Variants in KMO observed in about 807,000 individuals in gnomAD.
KMO encodes kynurenine 3-monooxygenase, also known as kynurenine 3-hydroxylase.
KMO carries 24 observed loss-of-function variants against 57.8 expected under a neutral mutation model. The ratio of observed to expected loss-of-function variants is 0.42; its 90% CI spans 0.30 to 0.58. KMO has a LOEUF of 0.58. Among genes scored for constraint, KMO ranks in the 20% least tolerant of loss-of-function variants. The probability of loss-of-function intolerance (pLI) is 0.22; values close to 1 mark genes in which losing one functional copy is unlikely to be tolerated. For missense variants in KMO, 483 were observed against 588.2 expected, an observed-to-expected ratio of 0.82 and a Z score of 1.85; for synonymous variants, 210 against 193.6, an observed-to-expected ratio of 1.08 and a Z score of -0.70.
intron 5 of KMO, among the ~76,000 whole-genome samples, chr1:241,559,264 A>T (rs1386408733): frequency 6.6e-6 from 1 of 152,182 alleles, no homozygotes; most frequent in Admixed American, 6.5e-5. Context: ...GCCACACTCC[A>T]AGTACTCAAA....
At chr1:241,555,815 T>A (rs897134686) in intron 5 of KMO, 155 bp downstream of exon 5, 1 of 492,004 alleles carries the variant, frequency 2.0e-6, no homozygotes, top group African/African-American at 2.0e-5. Context: ...AAGCTAGGTC[T>A]GATAGCTCAT....
At chr1:241,537,507 G>A (rs887280970) in intron 1 of KMO, among the ~76,000 whole-genome samples, 3 of 152,066 alleles carry the variant, frequency 2.0e-5, no homozygotes, top group African/African-American at 7.2e-5. Flanking sequence ...AGCTCTATTT[G>A]CTCTACTCTT....
At chr1:241,582,376 T>C (rs1662785957) in intron 10 of KMO, among the ~76,000 whole-genome samples, 2 of 152,224 alleles carry the variant, frequency 1.3e-5, no homozygotes, top group South Asian at 4.1e-4. Context: ...TCTCTCTCTA[T>C]ATATGTTCTC....
chr1:241,561,809 G>A (rs1661852949), intron 6 of KMO, among the ~76,000 whole-genome samples: 1 of 152,100 alleles, frequency 6.6e-6, no homozygotes, highest in Non-Finnish European at 1.5e-5. Flanking sequence ...CAAGACAAAT[G>A]TATTGTTCTT....
At chr1:241,541,002 A>C (rs993422934) in intron 1 of KMO, among the ~76,000 whole-genome samples, 7 of 152,212 alleles carry the variant, frequency 4.6e-5, no homozygotes, top group Non-Finnish European at 1.0e-4. Context: ...TCAAGGTTGC[A>C]GTGAACTATG....
chr1:241,580,100 C>T (rs1277166562), intron 10 of KMO, among the ~76,000 whole-genome samples: 1 of 152,112 alleles, frequency 6.6e-6, no homozygotes, highest in Non-Finnish European at 1.5e-5. Flanking sequence ...AGGCTCTCAC[C>T]CTCTCACACT....
intron 5 of KMO, among the ~76,000 whole-genome samples, chr1:241,557,342 T>C (rs1216685097): frequency 6.6e-6 from 1 of 152,202 alleles, no homozygotes; most frequent in African/African-American, 2.4e-5. Context: ...GCATGCCACT[T>C]AATATTTCTA....
At chr1:241,560,019 A>T (rs577303350) in intron 5 of KMO, among the ~76,000 whole-genome samples, 15 of 152,246 alleles carry the variant, frequency 9.9e-5, no homozygotes, top group Non-Finnish European at 7.3e-5. Flanking sequence ...ACAAAATCAC[A>T]TTTTACTGTT....
chr1:241,533,906 G>A (rs1242666866), intron 1 of KMO, among the ~76,000 whole-genome samples: 1 of 152,186 alleles, frequency 6.6e-6, no homozygotes, highest in Non-Finnish European at 1.5e-5. Flanking sequence ...TGAAGATCTT[G>A]AGAAAGAGCA....
In KMO at chr1:241,592,332, A is replaced by C. The variant is rs1490740331; in HGVS notation, c.*179A>C. On this transcript the variant is annotated 3_prime_UTR_variant, in exon 15 of 15. Transcript: ENST00000366559. ...AATTACTGGTTGGGGGGTGCATTTT[A>C]AAAGATGAAACATGCAGCTTCCCTA... 6.7e-6 allele frequency: 4 copies of C among 600,996 alleles called. No individual in the cohort carries two copies. The highest frequency in any genetic ancestry group is 8.8e-6 in the Non-Finnish European group (3 of 339,388). 37.2% of individuals were successfully genotyped at this position (600,996 alleles called of 1,614,324 possible). A position where few individuals can be genotyped will look rare whatever the true frequency, so the allele number is the denominator to read the frequency against.
chr1:241,582,251 T>A (rs1662781725), intron 10 of KMO, among the ~76,000 whole-genome samples: 2 of 152,202 alleles, frequency 1.3e-5, no homozygotes, highest in African/African-American at 4.8e-5. Flanking sequence ...GTAGCCTTAT[T>A]TGGCTTGAAT....
At chr1:241,534,309 A>C (rs1280499247) in intron 1 of KMO, among the ~76,000 whole-genome samples, 3 of 152,310 alleles carry the variant, frequency 2.0e-5, no homozygotes, top group South Asian at 4.1e-4. Context: ...TTAGAAATCC[A>C]AGGGAGAGAT....
At chr1:241,565,723 CAA>C (rs531346039) in intron 8 of KMO, among the ~76,000 whole-genome samples, 1 of 149,722 alleles carries the variant, frequency 6.7e-6, no homozygotes, top group East Asian at 2.0e-4. Context: ...GACCCTGTTT[CAA>C]AAAAAAAGAG....
chr1:241,534,433 G>C (rs1469395546), intron 1 of KMO, among the ~76,000 whole-genome samples: 1 of 152,200 alleles, frequency 6.6e-6, no homozygotes, highest in Non-Finnish European at 1.5e-5. Context: ...TCATACATAT[G>C]CTGGAAAATA....
rs917148966 is a variant in KMO at position 241,551,150 on chromosome 1, T to G, written c.312+106T>G. On this transcript the variant is annotated intron_variant, in intron 4 of 14. Coordinates refer to ENST00000366559, the MANE Select transcript of KMO (RefSeq NM_003679.5). ...CTCTCTCCAGCCCTATCTCTGACAT[T>G]GCTTGGCTCAGTCTAGACCCCAGGA... The G allele has an allele frequency of 7.1e-6, 5 of 701,254 alleles. No homozygotes were observed. The East Asian group carries it at 1.1e-4, about 16-fold the overall frequency. 43.4% of individuals were successfully genotyped at this position (701,254 alleles called of 1,614,324 possible).
Position 241,594,805 on chromosome 1 carries a change from G to T in KMO, c.*2652G>T. Reference sequence around the variant, plus strand: ...TAAGTTGTTTTTTGTTTGTTAGCAGGTGTGGATGTGGGGTTATGTGGTCAT... The same window carrying T: ...TAAGTTGTTTTTTGTTTGTTAGCAGTTGTGGATGTGGGGTTATGTGGTCAT... On this transcript the variant is annotated 3_prime_UTR_variant, in exon 15 of 15. Coordinates refer to ENST00000366559, the MANE Select transcript of KMO (RefSeq NM_003679.5). The T allele has an allele frequency of 1.7e-6, 2 of 1,210,784 alleles. No individual in the cohort carries two copies. The highest frequency in any genetic ancestry group is 2.3e-6 in the Non-Finnish European group (2 of 864,052). 75.0% of individuals were successfully genotyped at this position (1,210,784 alleles called of 1,614,324 possible). A position where few individuals can be genotyped will look rare whatever the true frequency, so the allele number is the denominator to read the frequency against.
At position 241,593,605 on chromosome 1, in the gene KMO, A is replaced by G. The variant is rs774461180; in HGVS notation, c.*1452A>G. On this transcript the variant is annotated 3_prime_UTR_variant, in exon 15 of 15. Transcript: ENST00000366559. Reference sequence around the variant, plus strand: ...GGCCCCTATAACAAAAGACAGATTGACAAGAGAAAAACAAACATAAATTTA... The same window carrying G: ...GGCCCCTATAACAAAAGACAGATTGGCAAGAGAAAAACAAACATAAATTTA... 8.9e-6 allele frequency: 2 copies of G among 223,474 alleles called. No individual in the cohort carries two copies. Among genetic ancestry groups the G allele is most frequent in the Non-Finnish European group, 1.9e-5 (2 of 102,716 alleles). 13.8% of individuals were successfully genotyped at this position (223,474 alleles called of 1,614,324 possible). A position where few individuals can be genotyped will look rare whatever the true frequency, so the allele number is the denominator to read the frequency against.
chr1:241,571,835 A>G (rs1196810852), intron 10 of KMO, among the ~76,000 whole-genome samples: 2 of 148,838 alleles, frequency 1.3e-5, no homozygotes, highest in African/African-American at 4.9e-5. Context: ...AATGTTTTGG[A>G]ATAATTTGAG....
intron 1 of KMO, among the ~76,000 whole-genome samples, chr1:241,547,240 A>G (rs548833290): frequency 1.6e-4 from 24 of 152,194 alleles, no homozygotes; most frequent in Non-Finnish European, 3.1e-4. Context: ...TAAAAATAAA[A>G]TGACTATTGT....
Sources: gnomAD v4.1 joint callset for allele counts (sites outside exome capture counted in the v4.1 genomes callset) on GRCh38, gnomAD v4.1.1 for gene constraint, MANE v1.5 for transcripts, NCBI Gene and HGNC (gene_info 2026-07-23, HGNC 2026-07-21) for gene names.